Variants in SAMD12 observed in about 807,000 individuals in gnomAD.
The protein encoded by SAMD12 is sterile alpha motif domain-containing protein 12.
SAMD12 carries 9 observed loss-of-function variants against 15.0 expected under a neutral mutation model. The ratio of observed to expected loss-of-function variants is 0.60; its 90% CI spans 0.36 to 1.05. SAMD12 has a LOEUF of 1.05. Among genes scored for constraint, SAMD12 ranks in the 50% least tolerant of loss-of-function variants. The pLI is 0.01. For missense variants in SAMD12, 230 were observed against 234.2 expected (o/e 0.98, Z 0.12); for synonymous variants, 86 against 90.1 (o/e 0.96, Z 0.25).
At chr8:118,148,817 C>CAT in the SAMD12 span, among the ~76,000 whole-genome samples, 1 of 152,150 alleles carries the variant, frequency 6.6e-6, no homozygotes, top group Non-Finnish European at 1.5e-5. Flanking sequence ...TTTCACTTAG[C>CAT]ATAATGTTTT....
At position 118,379,642 on chromosome 8, in the gene SAMD12, C is replaced by T. The variant is rs1819564567; in HGVS notation, c.381G>A (p.Glu127=). 1 of 1,613,902 alleles carries T rather than the reference C, an allele frequency of 6.2e-7. No individual in the cohort carries two copies. Among genetic ancestry groups the T allele is most frequent in the East Asian group, 2.2e-5 (1 of 44,854 alleles). Residue 127 remains glutamate, a synonymous_variant, in exon 4 of 4, where the codon GAG becomes GAA. Coordinates refer to ENST00000314727, the MANE Select transcript of SAMD12 (RefSeq NM_207506.3). ...GTTGTAAGATGTGCTGCCGGAGGTT[C>T]TCCTGGGCAATCCCCATTCGCTCGA... ...KKLERMGIAQ[E]NLRQHILQQV...
chr8:118,359,075 T>C (rs1818368972), intron 4 of SAMD12, among the ~76,000 whole-genome samples: 1 of 152,182 alleles, frequency 6.6e-6, no homozygotes, highest in Non-Finnish European at 1.5e-5. Context: ...ATCTCTGTTA[T>C]GGGCTGAATT....
intron 4 of SAMD12, among the ~76,000 whole-genome samples, chr8:118,267,228 G>A (rs1813224978): frequency 6.6e-6 from 1 of 152,032 alleles, no homozygotes; most frequent in South Asian, 2.1e-4. Context: ...GCCTTTTTAA[G>A]AAAAAGGCAT....
At chr8:118,149,662 A>C in the SAMD12 span, among the ~76,000 whole-genome samples, 1 of 152,138 alleles carries the variant, frequency 6.6e-6, no homozygotes, top group Non-Finnish European at 1.5e-5. Context: ...CCATGGTTCC[A>C]AAAATTTTCT....
rs568584261 is a variant in SAMD12 at position 118,263,932 on chromosome 8, C to T, written c.434-66200G>A. Among the ~76,000 whole-genome samples the T allele has an allele frequency of 6.4e-4, 97 of 152,206 alleles. 1 individual carries two copies. The South Asian group carries it at 0.019, about 30-fold the overall frequency. On this transcript the variant is annotated intron_variant, in intron 4 of 4. Transcript: ENST00000409003. The stretch of plus-strand genomic sequence containing the variant: ...TGCACCCAACACTCCTCTCCTTAGC[C>T]ATGAGATGATGGTTTTCATCATGCA...
intron 4 of SAMD12, among the ~76,000 whole-genome samples, chr8:118,249,535 A>T (rs1303645586): frequency 1.3e-5 from 2 of 152,140 alleles, no homozygotes; most frequent in Non-Finnish European, 2.9e-5. Flanking sequence ...TGAAGAGCTG[A>T]CTTTATGTAC....
chr8:118,419,247 C>G (rs940471100), intron 3 of SAMD12, among the ~76,000 whole-genome samples: 2 of 150,736 alleles, frequency 1.3e-5, no homozygotes, highest in Non-Finnish European at 2.9e-5. Flanking sequence ...GTACTGCCAT[C>G]TGCTGGCTAT....
chr8:118,336,010 CA>C, intron 4 of SAMD12, among the ~76,000 whole-genome samples: 1 of 152,292 alleles, frequency 6.6e-6, no homozygotes, highest in Middle Eastern at 3.4e-3. Context: ...AGGCATAAGG[CA>C]CCACACCCAG....
At chr8:118,537,021 A>G (rs1825863804) in intron 2 of SAMD12, among the ~76,000 whole-genome samples, 1 of 152,162 alleles carries the variant, frequency 6.6e-6, no homozygotes, top group Non-Finnish European at 1.5e-5. Flanking sequence ...TTTTGCCTTC[A>G]TGTTGGAAGG....
intron 4 of SAMD12, among the ~76,000 whole-genome samples, chr8:118,291,626 A>T (rs912158669): frequency 6.6e-6 from 1 of 152,034 alleles, no homozygotes; most frequent in African/African-American, 2.4e-5. Flanking sequence ...GGAAATATTT[A>T]CTAACTTCCT....
intron 4 of SAMD12, among the ~76,000 whole-genome samples, chr8:118,309,176 T>C (rs1404434664): frequency 6.6e-6 from 1 of 152,138 alleles, no homozygotes; most frequent in Non-Finnish European, 1.5e-5. Context: ...CCAAAGTCCA[T>C]TGTATTATTC....
intron 2 of SAMD12, among the ~76,000 whole-genome samples, chr8:118,480,944 T>A (rs1824107463): frequency 6.6e-6 from 1 of 152,108 alleles, no homozygotes; most frequent in African/African-American, 2.4e-5. Flanking sequence ...AAGCCTCAGT[T>A]TATTTTACTT....
intron 2 of SAMD12, among the ~76,000 whole-genome samples, chr8:118,452,297 T>C (rs1199037619): frequency 1.3e-5 from 2 of 152,216 alleles, no homozygotes; most frequent in African/African-American, 4.8e-5. Flanking sequence ...TCAGATGGAC[T>C]GTTCAATTCA....
At position 118,379,137 on chromosome 8, in the gene SAMD12, A is replaced by G. The variant is rs1819534605; in HGVS notation, c.*280T>C. 11 of 1,175,156 alleles carry G rather than the reference A, an allele frequency of 9.4e-6. No individual in the cohort carries two copies. In the East Asian group the frequency reaches 4.3e-4, roughly 45 times the overall value. 72.8% of individuals were successfully genotyped at this position (1,175,156 alleles called of 1,614,324 possible). The stretch of plus-strand genomic sequence containing the variant: ...TATCACTGGTCATCGTAACTATTGA[A>G]TCACTCAAATGCTAAAGCGCCCTCA... On this transcript the variant is annotated 3_prime_UTR_variant, in exon 4 of 4. Coordinates refer to ENST00000314727, the MANE Select transcript of SAMD12 (RefSeq NM_207506.3).
intron 2 of SAMD12, among the ~76,000 whole-genome samples, chr8:118,457,191 T>C (rs1045197339): frequency 1.3e-5 from 2 of 151,782 alleles, no homozygotes; most frequent in Admixed American, 1.3e-4. Context: ...AGCTGCCACT[T>C]CCACTACTGC....
At chr8:118,437,813 C>G (rs919088434) in intron 3 of SAMD12, among the ~76,000 whole-genome samples, 1 of 152,170 alleles carries the variant, frequency 6.6e-6, no homozygotes, top group African/African-American at 2.4e-5. Flanking sequence ...ATTCCATAAG[C>G]ATTGATGCAT....
chr8:118,532,042 C>A (rs1825703902), intron 2 of SAMD12, among the ~76,000 whole-genome samples: 1 of 152,184 alleles, frequency 6.6e-6, no homozygotes, highest in Non-Finnish European at 1.5e-5. Flanking sequence ...TTTGCCCATT[C>A]AGTATGATAT....
At chr8:118,231,916 C>T (rs1243604895) in intron 4 of SAMD12, among the ~76,000 whole-genome samples, 1 of 151,840 alleles carries the variant, frequency 6.6e-6, no homozygotes, top group Non-Finnish European at 1.5e-5. Context: ...AAGCCTTCTG[C>T]AAGGCACTCC....
chr8:118,443,856 T>A (rs1325013856), intron 2 of SAMD12, among the ~76,000 whole-genome samples: 1 of 152,212 alleles, frequency 6.6e-6, no homozygotes, highest in Non-Finnish European at 1.5e-5. Flanking sequence ...GTGAATGGCA[T>A]AACCTGATTC....
Sources: gnomAD v4.1 joint callset for allele counts (sites outside exome capture counted in the v4.1 genomes callset) on GRCh38, gnomAD v4.1.1 for gene constraint, MANE v1.5 for transcripts, NCBI Gene and HGNC (gene_info 2026-07-23, HGNC 2026-07-21) for gene names.